Variants in RARB observed in about 807,000 individuals in gnomAD.
The protein encoded by RARB is HBV-activated protein.
A neutral mutation model predicts 51.9 loss-of-function variants in RARB; 17 were observed. The ratio of observed to expected loss-of-function variants is 0.33; its 90% CI spans 0.22 to 0.49. The LOEUF (loss-of-function observed/expected upper bound fraction) is 0.49, where lower values mean the gene tolerates loss of function less well. Ranked by LOEUF, RARB falls within the 20% of genes least tolerant of loss-of-function variation. The pLI is 0.99. For missense variants in RARB, 369 were observed against 550.8 expected (o/e 0.67, Z 3.30); for synonymous variants, 215 against 195.4 (o/e 1.10, Z -0.84).
At chr3:25,569,665 G>A in intron 3 of RARB, 93 bp from the exon 4 acceptor site, 1 of 1,398,850 alleles carries the variant, frequency 7.1e-7, no homozygotes, top group Non-Finnish European at 9.7e-7. Flanking sequence ...TATCAAATGA[G>A]CTTAAGGCAG....
chr3:25,211,347 A>T (rs1701691838), intron 5 of RARB, among the ~76,000 whole-genome samples: 1 of 152,236 alleles, frequency 6.6e-6, no homozygotes, highest in Admixed American at 6.5e-5. Context: ...GATTTGAGCC[A>T]TTTCTACAAA....
At chr3:25,398,551 TG>T (rs1380107989) in intron 5 of RARB, among the ~76,000 whole-genome samples, 1 of 152,164 alleles carries the variant, frequency 6.6e-6, no homozygotes, top group Non-Finnish European at 1.5e-5. Flanking sequence ...ATATTTCCAA[TG>T]GGAGAGATGA....
At chr3:25,474,462 T>C (rs1370157517) in intron 2 of RARB, among the ~76,000 whole-genome samples, 1 of 151,876 alleles carries the variant, frequency 6.6e-6, no homozygotes, top group Non-Finnish European at 1.5e-5. Flanking sequence ...GTGGTGGTAT[T>C]TTTTTTTATT....
intron 3 of RARB, among the ~76,000 whole-genome samples, chr3:25,068,892 C>G (rs1698716278): frequency 6.6e-6 from 1 of 151,884 alleles, no homozygotes; most frequent in South Asian, 2.1e-4. Context: ...CCACATGAGA[C>G]CTTTAAAGGG....
intron 2 of RARB, among the ~76,000 whole-genome samples, chr3:25,041,303 T>C (rs138809490): frequency 1.1e-3 from 164 of 152,340 alleles, no homozygotes; most frequent in Middle Eastern, 0.01. Flanking sequence ...GATGAATTTT[T>C]CTACTGATAC....
At chr3:25,186,664 G>T (rs1454094207) in intron 5 of RARB, among the ~76,000 whole-genome samples, 2 of 152,016 alleles carry the variant, frequency 1.3e-5, no homozygotes, top group Non-Finnish European at 2.9e-5. Flanking sequence ...TGAATGAAAT[G>T]ATAATGAATG....
chr3:24,846,223 G>T (rs2125332954), intron 1 of RARB, among the ~76,000 whole-genome samples: 1 of 152,294 alleles, frequency 6.6e-6, no homozygotes, highest in East Asian at 1.9e-4. Context: ...GCTACTCTGT[G>T]TCTCAAATTC....
intron 5 of RARB, among the ~76,000 whole-genome samples, chr3:25,313,197 G>A (rs322700): frequency 0.35 from 53,565 of 152,084 alleles, 10,090 homozygotes; most frequent in African/African-American, 0.48. Flanking sequence ...TATGGGAATA[G>A]GAAGACCCGC....
intron 5 of RARB, among the ~76,000 whole-genome samples, chr3:25,339,425 C>T (rs1042121991): frequency 6.6e-6 from 1 of 152,186 alleles, no homozygotes; most frequent in Admixed American, 6.5e-5. Flanking sequence ...CTGTACCTCA[C>T]TTCTGTTTTC....
chr3:25,303,619 A>G (rs1267806964), intron 5 of RARB, among the ~76,000 whole-genome samples: 3 of 152,164 alleles, frequency 2.0e-5, no homozygotes, highest in Admixed American at 1.3e-4. Flanking sequence ...TCATTGAGTA[A>G]AAATGAATTC....
chr3:25,232,012 T>G (rs1224331875), intron 5 of RARB, among the ~76,000 whole-genome samples: 1 of 142,166 alleles, frequency 7.0e-6, no homozygotes, highest in Non-Finnish European at 1.6e-5. Context: ...GTGATAAAGT[T>G]TTATGCTTAA....
At chr3:24,961,991 G>C (rs189357970) in intron 2 of RARB, among the ~76,000 whole-genome samples, 3 of 117,486 alleles carry the variant, frequency 2.6e-5, no homozygotes, top group Middle Eastern at 0.02. Context: ...GTGCAATGGC[G>C]CTATCATGGC....
chr3:25,068,440 G>A (rs1361409449), intron 3 of RARB, among the ~76,000 whole-genome samples: 1 of 152,034 alleles, frequency 6.6e-6, no homozygotes, highest in African/African-American at 2.4e-5. Context: ...AATAGATTTA[G>A]AAGGAAACTA....
At position 25,421,403 on chromosome 3, in the gene RARB, C is replaced by CTTTTTTT. The variant is rs766378555; in HGVS notation, c.179-39768_179-39762dup. ...TTGCACTAACATTTTTTCTTCTTTT[C>CTTTTTTT]TTTTTTTTTTTTTTTTTTTTTTTTT... On this transcript the variant is annotated intron_variant, in intron 5 of 11. Transcript: ENST00000383772. 3.5e-3 allele frequency among the ~76,000 whole-genome samples: 256 copies of CTTTTTTT among 72,358 alleles called. 7 individuals carry two copies. The highest frequency in any genetic ancestry group is 8.6e-3 in the African/African-American group (134 of 15,498). 47.5% of individuals were successfully genotyped at this position (72,358 alleles called of 152,430 possible).
At chr3:25,157,638 C>A (rs1305674925) in intron 4 of RARB, among the ~76,000 whole-genome samples, 1 of 152,182 alleles carries the variant, frequency 6.6e-6, no homozygotes, top group Non-Finnish European at 1.5e-5. Context: ...CTCAAGCGAT[C>A]TGCCTGCCTC....
intron 3 of RARB, among the ~76,000 whole-genome samples, chr3:25,127,493 C>T (rs975360738): frequency 6.6e-6 from 1 of 152,290 alleles, no homozygotes; most frequent in East Asian, 1.9e-4. Flanking sequence ...CATCTATCGG[C>T]TTTGTTTCCT....
intron 5 of RARB, among the ~76,000 whole-genome samples, chr3:25,248,044 T>A (rs952141216): frequency 6.6e-6 from 1 of 152,330 alleles, no homozygotes; most frequent in East Asian, 1.9e-4. Context: ...GTTTTATGTA[T>A]CTGGATGCTC....
chr3:25,335,016 G>C (rs942824896), intron 5 of RARB, among the ~76,000 whole-genome samples: 4 of 152,154 alleles, frequency 2.6e-5, no homozygotes, highest in African/African-American at 4.8e-5. Flanking sequence ...AGAGGTTAGA[G>C]GAGTCAAGAG....
At chr3:25,004,897 A>C (rs1161623550) in intron 2 of RARB, among the ~76,000 whole-genome samples, 2 of 152,130 alleles carry the variant, frequency 1.3e-5, no homozygotes, top group Non-Finnish European at 2.9e-5. Flanking sequence ...GAACAGTTCT[A>C]CTTGGTTATT....
Sources: gnomAD v4.1 joint callset for allele counts (sites outside exome capture counted in the v4.1 genomes callset) on GRCh38, gnomAD v4.1.1 for gene constraint, MANE v1.5 for transcripts, NCBI Gene and HGNC (gene_info 2026-07-23, HGNC 2026-07-21) for gene names.